The following TTC39B variants were observed in gnomAD, a reference collection of about 807,000 sequenced individuals.
TTC39B encodes the protein tetratricopeptide repeat protein 39B.
Under a neutral mutation model 96.6 loss-of-function variants are expected in TTC39B, and 92 were observed. The ratio of observed to expected loss-of-function variants is 0.95; its 90% CI spans 0.80 to 1.13. The LOEUF is 1.13. TTC39B is among the 50% of genes most tolerant of loss of function. The pLI is 0.00. For synonymous variants in TTC39B, 367 were observed against 299.4 expected, an observed-to-expected ratio of 1.23 and a Z score of -2.33; for missense variants, 955 against 809.3, an observed-to-expected ratio of 1.18 and a Z score of -2.18.
chr9:15,180,676 T>C (rs1241137797), intron 17 of TTC39B, among the ~76,000 whole-genome samples: 1 of 152,172 alleles, frequency 6.6e-6, no homozygotes, highest in African/African-American at 2.4e-5. Flanking sequence ...CTTCTCTCCA[T>C]TTTCCAACTT....
rs537887352 is a variant in TTC39B, at chr9:15,181,962, A to G, written c.1723+345T>C. Among the ~76,000 whole-genome samples the G allele has an allele frequency of 2.0e-5, 3 of 152,318 alleles. No homozygotes were observed. In the East Asian group the frequency reaches 5.8e-4, roughly 29 times the overall value. On this transcript the variant is annotated intron_variant, in intron 17 of 19. Coordinates refer to ENST00000512701, the Ensembl canonical transcript of TTC39B. ...TCACCTCCCTCCCCAGAAAGCTATC[A>G]TAACTCCTAACTTCCATACTCCATC...
At chr9:15,177,593 A>G in intron 18 of TTC39B, 104 bp downstream of exon 18, 1 of 726,024 alleles carries the variant, frequency 1.4e-6, no homozygotes, top group Non-Finnish European at 2.3e-6. Context: ...AACACCAAGT[A>G]AGAGTTTAGC....
At chr9:15,241,857 C>G (rs565439686) in intron 2 of TTC39B, among the ~76,000 whole-genome samples, 7 of 150,488 alleles carry the variant, frequency 4.7e-5, no homozygotes, top group African/African-American at 1.7e-4. Flanking sequence ...ATTCTCCTGT[C>G]TCAGCCTCCT....
At chr9:15,234,275 C>T (rs1169851349) in intron 2 of TTC39B, among the ~76,000 whole-genome samples, 4 of 150,760 alleles carry the variant, frequency 2.7e-5, no homozygotes, top group Non-Finnish European at 5.9e-5. Context: ...GGTCAGCCCC[C>T]GCCAGGCCAG....
At chr9:15,218,152 G>C (rs1233189278) in intron 3 of TTC39B, among the ~76,000 whole-genome samples, 1 of 135,182 alleles carries the variant, frequency 7.4e-6, no homozygotes, top group African/African-American at 2.8e-5. Flanking sequence ...TCTGGCAACA[G>C]AGCGAGACTC....
At chr9:15,184,897 T>G (rs1268651912) in intron 16 of TTC39B, among the ~76,000 whole-genome samples, 1 of 152,236 alleles carries the variant, frequency 6.6e-6, no homozygotes, top group Admixed American at 6.5e-5. Flanking sequence ...CTTACTTTTT[T>G]AATGTGGCTA....
chr9:15,254,016 G>T (rs912077426), intron 2 of TTC39B, among the ~76,000 whole-genome samples: 9 of 152,026 alleles, frequency 5.9e-5, no homozygotes, highest in Admixed American at 5.2e-4. Flanking sequence ...AAAAAATGTG[G>T]ACTCGAGACT....
intron 1 of TTC39B, among the ~76,000 whole-genome samples, chr9:15,285,533 C>T (rs982988229): frequency 2.6e-5 from 4 of 151,980 alleles, no homozygotes; most frequent in African/African-American, 9.7e-5. Context: ...TATTATGTAC[C>T]CATAATTAAG....
At chr9:15,278,427 T>TC (rs1823629175) in intron 1 of TTC39B, among the ~76,000 whole-genome samples, 1 of 152,226 alleles carries the variant, frequency 6.6e-6, no homozygotes, top group South Asian at 2.1e-4. Flanking sequence ...TATTTTACTC[T>TC]CCTGTGCATA....
intron 2 of TTC39B, among the ~76,000 whole-genome samples, chr9:15,264,234 G>A (rs1370986461): frequency 1.3e-5 from 2 of 152,072 alleles, no homozygotes; most frequent in Non-Finnish European, 2.9e-5. Context: ...AAATATGAAG[G>A]ATGAACAAGC....
chr9:15,215,254 T>C (rs1820444505), intron 3 of TTC39B, among the ~76,000 whole-genome samples: 1 of 151,122 alleles, frequency 6.6e-6, no homozygotes, highest in African/African-American at 2.4e-5. Context: ...CTCAAAAAAA[T>C]AAAATGAGGC....
At chr9:15,266,998 G>C (rs1239602528) in intron 2 of TTC39B, among the ~76,000 whole-genome samples, 1 of 152,200 alleles carries the variant, frequency 6.6e-6, no homozygotes, top group South Asian at 2.1e-4. Context: ...AGAATGGCGT[G>C]AACCTGGGAG....
chr9:15,266,024 C>A (rs1204801612), intron 2 of TTC39B, among the ~76,000 whole-genome samples: 1 of 152,142 alleles, frequency 6.6e-6, no homozygotes. Flanking sequence ...AAAAAGGACA[C>A]TAGGTACAAA....
rs536653598 is a variant in TTC39B at position 15,256,988 on chromosome 9, C to G, written c.275+10926G>C. On this transcript the variant is annotated intron_variant, in intron 2 of 19. Transcript: ENST00000512701. ...CCATTTAATTTCTAAAAGGATCACT[C>G]TTGTCCTGATTCACACAAACATACT... Among the ~76,000 whole-genome samples the G allele has an allele frequency of 5.3e-5, 8 of 152,286 alleles. No individual in the cohort carries two copies. The South Asian group carries it at 1.7e-3, about 32-fold the overall frequency.
chr9:15,230,802 T>C (rs1470385043), intron 2 of TTC39B, among the ~76,000 whole-genome samples: 1 of 152,046 alleles, frequency 6.6e-6, no homozygotes, highest in African/African-American at 2.4e-5. Context: ...CTGGCCAACA[T>C]GGCAAAACTC....
chr9:15,231,390 G>C (rs1419535994), intron 2 of TTC39B, among the ~76,000 whole-genome samples: 1 of 152,094 alleles, frequency 6.6e-6, no homozygotes, highest in East Asian at 1.9e-4. Flanking sequence ...ACTTGTTTTT[G>C]TCCATGAGAT....
chr9:15,222,600 G>A (rs990752087), intron 3 of TTC39B, among the ~76,000 whole-genome samples: 5 of 152,098 alleles, frequency 3.3e-5, no homozygotes, highest in Non-Finnish European at 5.9e-5. Context: ...CTCAGTCTCC[G>A]GAGCAGCCAG....
intron 9 of TTC39B, 113 bp from the exon 10 acceptor site, chr9:15,191,368 A>G (rs969230771): frequency 1.5e-6 from 1 of 656,786 alleles, no homozygotes; most frequent in African/African-American, 1.9e-5. Context: ...ATTGGGAACA[A>G]GTTTTAACCA....
intron 17 of TTC39B, among the ~76,000 whole-genome samples, chr9:15,179,793 C>T (rs1030813202): frequency 2.6e-5 from 4 of 152,114 alleles, no homozygotes; most frequent in Admixed American, 6.5e-5. Context: ...GAGGAACAGA[C>T]GTAACATCAT....
Sources: gnomAD v4.1 joint callset for allele counts (sites outside exome capture counted in the v4.1 genomes callset) on GRCh38, gnomAD v4.1.1 for gene constraint, MANE v1.5 for transcripts, NCBI Gene and HGNC (gene_info 2026-07-23, HGNC 2026-07-21) for gene names.